The following NDUFAF6 variants were observed in gnomAD, a reference collection of about 807,000 sequenced individuals.
NDUFAF6 encodes the protein NADH:ubiquinone oxidoreductase complex assembly factor 6.
In NDUFAF6, 45 loss-of-function variants were observed where a neutral mutation model predicts 40.8. The observed-to-expected ratio is 1.10, with a 90% CI of 0.87 to 1.42. NDUFAF6 has a LOEUF of 1.42. Ranked by LOEUF, NDUFAF6 falls within the 40% of genes most tolerant of loss-of-function variation. The probability of loss-of-function intolerance (pLI) is 0.00; values close to 1 mark genes in which losing one functional copy is unlikely to be tolerated. For synonymous variants in NDUFAF6, 185 were observed against 155.9 expected, an observed-to-expected ratio of 1.19 and a Z score of -1.39; for missense variants, 435 against 418.5, an observed-to-expected ratio of 1.04 and a Z score of -0.34.
At chr8:94,949,142 C>CA (rs572827485) in intron 2 of NDUFAF6, 8 of 149,524 alleles carry the variant, frequency 5.4e-5, no homozygotes, top group Non-Finnish European at 1.0e-4. Context: ...CCCGCCCCCC[C>CA]CCGGCACTTA....
At chr8:94,938,564 G>A (rs547061724) in intron 1 of NDUFAF6, among the ~76,000 whole-genome samples, 120 of 152,324 alleles carry the variant, frequency 7.9e-4, no homozygotes, top group Non-Finnish European at 1.2e-3. Flanking sequence ...TCAAACTCCA[G>A]AGAGGGGAGA....
chr8:94,956,438 G>C (rs1165737780), upstream of NDUFAF6, among the ~76,000 whole-genome samples: 3 of 152,204 alleles, frequency 2.0e-5, no homozygotes, highest in East Asian at 5.8e-4. Flanking sequence ...TGCCACAGGG[G>C]TGCTTAGAGG....
In NDUFAF6 at chr8:94,932,809, A is replaced by T. The variant is rs529735057; in HGVS notation, c.-935-12674A>T. 1.1e-4 allele frequency among the ~76,000 whole-genome samples: 16 copies of T among 149,572 alleles called. No homozygotes were observed. The East Asian group carries it at 1.6e-3, about 15-fold the overall frequency. On this transcript the variant is annotated intron_variant, in intron 1 of 14. Transcript: ENST00000396113. ...AGGAGCGAGACTCCGTCTCAAAAAT[A>T]AAAAAAAAAGAATTTCAAATCCCAA...
At chr8:95,010,445 T>C (rs748511101) in intron 2 of NDUFAF6, among the ~76,000 whole-genome samples, 6 of 152,222 alleles carry the variant, frequency 3.9e-5, no homozygotes, top group Admixed American at 6.5e-5. Context: ...TGAAGGGCTT[T>C]AATCAGAATA....
At chr8:95,103,257 A>G (rs1809712153) in exon 3 of NDUFAF6, 1 of 152,188 alleles carries the variant, frequency 6.6e-6, no homozygotes, top group Admixed American at 6.5e-5. Flanking sequence ...AGGAAAATCA[A>G]CCTGTTGATA....
chr8:94,906,848 G>A (rs537958406), intron 1 of NDUFAF6, among the ~76,000 whole-genome samples: 16 of 152,282 alleles, frequency 1.1e-4, no homozygotes, highest in African/African-American at 3.6e-4. Context: ...TTATCTATTT[G>A]TATACATTAC....
intron 7 of NDUFAF6, among the ~76,000 whole-genome samples, chr8:95,050,570 GTT>G (rs1230330966): frequency 6.6e-6 from 1 of 152,186 alleles, no homozygotes; most frequent in Non-Finnish European, 1.5e-5. Flanking sequence ...GGATAAATGA[GTT>G]AACATATATG....
intron 1 of NDUFAF6, among the ~76,000 whole-genome samples, chr8:94,896,300 G>T (rs1817561285): frequency 6.7e-6 from 1 of 148,492 alleles, no homozygotes; most frequent in African/African-American, 2.4e-5. Flanking sequence ...GCCCTGCGGA[G>T]CCCGCGCGAG....
intron 3 of NDUFAF6, 64 bp downstream of exon 3, chr8:95,035,640 A>T: frequency 1.3e-6 from 2 of 1,494,506 alleles, no homozygotes; most frequent in East Asian, 4.6e-5. Flanking sequence ...TTTTTGATGG[A>T]TATAATTTGG....
chr8:94,932,232 ACAT>A, intron 1 of NDUFAF6: 1 of 954,740 alleles, frequency 1.0e-6, no homozygotes, highest in Non-Finnish European at 1.6e-6. Context: ...AAAGGCACGT[ACAT>A]GTGCTTAAGA....
intron 1 of NDUFAF6, among the ~76,000 whole-genome samples, chr8:95,100,724 A>G (rs1425938655): frequency 6.6e-6 from 1 of 152,172 alleles, no homozygotes; most frequent in African/African-American, 2.4e-5. Flanking sequence ...CTGACTCAAA[A>G]TATCCATTGT....
intron 1 of NDUFAF6, among the ~76,000 whole-genome samples, chr8:94,965,447 A>C (rs1031378886): frequency 1.3e-5 from 2 of 152,322 alleles, no homozygotes; most frequent in Admixed American, 6.5e-5. Context: ...AGGCCACACA[A>C]GTCAGGAAAG....
At chr8:94,899,382 G>A (rs79264400) in intron 1 of NDUFAF6, among the ~76,000 whole-genome samples, 124 of 152,338 alleles carry the variant, frequency 8.1e-4, no homozygotes, top group Non-Finnish European at 1.6e-3. Flanking sequence ...AGAATCCTGG[G>A]AGTGAACTTA....
At chr8:94,962,791 CTTTTT>C (rs58474094) in intron 1 of NDUFAF6, among the ~76,000 whole-genome samples, 2 of 139,738 alleles carry the variant, frequency 1.4e-5, no homozygotes, top group African/African-American at 2.7e-5. Context: ...TCCTTTTTTT[CTTTTT>C]TTTTTTTGTT....
upstream of NDUFAF6, chr8:94,957,920 C>G (rs1005245150): frequency 6.6e-6 from 1 of 152,238 alleles, no homozygotes; most frequent in Non-Finnish European, 1.5e-5. Context: ...GTGCTCCTGT[C>G]CAGCTCACCG....
chr8:94,979,601 A>T (rs542579068), intron 1 of NDUFAF6, among the ~76,000 whole-genome samples: 3 of 152,266 alleles, frequency 2.0e-5, no homozygotes, highest in African/African-American at 7.2e-5. Flanking sequence ...TGTTATTTGA[A>T]TTATTTTGCC....
chr8:95,066,287 C>CCTT (rs1353918793), intron 9 of NDUFAF6, among the ~76,000 whole-genome samples: 1 of 82,920 alleles, frequency 1.2e-5, no homozygotes, highest in African/African-American at 4.9e-5. Flanking sequence ...TGCTTGCTTG[C>CCTT]TTTTTTTTTT....
chr8:95,010,096 C>CT (rs1007959387), intron 2 of NDUFAF6, among the ~76,000 whole-genome samples: 54 of 149,418 alleles, frequency 3.6e-4, no homozygotes, highest in East Asian at 5.9e-4. Flanking sequence ...CTTAGTTGTA[C>CT]TTTTTTTTTT....
chr8:94,985,513 ATATTTTTTTTTTTTTTTTTTTTTT>A (rs1825821405), intron 2 of NDUFAF6, among the ~76,000 whole-genome samples: 1 of 4,772 alleles, frequency 2.1e-4, no homozygotes, highest in Non-Finnish European at 3.1e-4. Context: ...ATATATATAT[ATATTTTTTTTTTTTTTTTTTTTTT>A]TTTTTTTTTT....
Sources: allele counts gnomAD v4.1 joint callset (sites outside exome capture counted in the v4.1 genomes callset), GRCh38; gene constraint gnomAD v4.1.1; transcripts MANE v1.5; gene names NCBI Gene and HGNC (gene_info 2026-07-23, HGNC 2026-07-21).